Variants in ZNF454 observed in about 807,000 individuals in gnomAD.
The protein encoded by ZNF454 is zinc finger protein 454.
ZNF454 carries 30 observed loss-of-function variants against 48.2 expected under a neutral mutation model. The ratio of observed to expected loss-of-function variants is 0.62; its 90% CI spans 0.47 to 0.84. ZNF454 has a LOEUF of 0.84. Among genes scored for constraint, ZNF454 ranks in the 40% least tolerant of loss-of-function variants. The pLI is 0.00. For missense variants in ZNF454, 510 were observed against 623.1 expected, an observed-to-expected ratio of 0.82 and a Z score of 1.93; for synonymous variants, 204 against 211.4, an observed-to-expected ratio of 0.97 and a Z score of 0.30.
intron 4 of ZNF454, among the ~76,000 whole-genome samples, chr5:178,957,607 C>G (rs1759830328): frequency 6.6e-6 from 1 of 151,956 alleles, no homozygotes; most frequent in Admixed American, 6.6e-5. Flanking sequence ...GACGGGGTTT[C>G]ACCGTGTTAG....
the ZNF454 span, among the ~76,000 whole-genome samples, chr5:178,984,873 C>G: frequency 2.0e-5 from 3 of 152,170 alleles, no homozygotes; most frequent in Non-Finnish European, 4.4e-5. Context: ...CCACCCTCCA[C>G]CTGGCCCTGA....
At chr5:178,984,491 G>A in the ZNF454 span, among the ~76,000 whole-genome samples, 1,356 of 152,300 alleles carry the variant, frequency 8.9e-3, 19 homozygotes, top group African/African-American at 0.031. Context: ...TTGCAGGCTT[G>A]TGTGTTTTTA....
chr5:178,958,575 C>T (rs1177846153), intron 4 of ZNF454, among the ~76,000 whole-genome samples: 3 of 152,184 alleles, frequency 2.0e-5, no homozygotes, highest in Non-Finnish European at 4.4e-5. Context: ...TTTTAGAAAA[C>T]ATAGGTACAC....
At chr5:178,963,339 T>C (rs771027832) in intron 4 of ZNF454, among the ~76,000 whole-genome samples, 1 of 151,848 alleles carries the variant, frequency 6.6e-6, no homozygotes, top group African/African-American at 2.4e-5. Flanking sequence ...ATGTTTAACT[T>C]TGACCATTCT....
At chr5:178,964,626 CA>C in intron 4 of ZNF454, 28 bp from the exon 5 acceptor site, 6 of 1,558,796 alleles carry the variant, frequency 3.8e-6, no homozygotes, top group Non-Finnish European at 5.3e-6. Flanking sequence ...TAGGGTAAAA[CA>C]GACATTTTTA....
At chr5:178,955,553 T>C (rs1309188130) in intron 4 of ZNF454, among the ~76,000 whole-genome samples, 1 of 152,192 alleles carries the variant, frequency 6.6e-6, no homozygotes, top group African/African-American at 2.4e-5. Flanking sequence ...TTACTATCCT[T>C]TTTAAGTATT....
intron 4 of ZNF454, among the ~76,000 whole-genome samples, chr5:178,959,298 G>A (rs756331333): frequency 7.2e-5 from 11 of 152,076 alleles, no homozygotes; most frequent in South Asian, 4.2e-4. Flanking sequence ...GTCTCATTCC[G>A]GGTTCCATAA....
At chr5:178,956,409 G>A (rs973208952) in intron 4 of ZNF454, among the ~76,000 whole-genome samples, 1 of 150,014 alleles carries the variant, frequency 6.7e-6, no homozygotes, top group Non-Finnish European at 1.5e-5. Flanking sequence ...CTTTTTGGAC[G>A]TTCTGGGTAA....
downstream of ZNF454, among the ~76,000 whole-genome samples, chr5:178,967,056 C>G (rs1322217701): frequency 6.6e-6 from 1 of 152,160 alleles, no homozygotes; most frequent in Non-Finnish European, 1.5e-5. Context: ...CCAGAAGGCA[C>G]AACTTGATCA....
chr5:178,952,052 T>G (rs1416832685), intron 4 of ZNF454, among the ~76,000 whole-genome samples: 1 of 151,900 alleles, frequency 6.6e-6, no homozygotes. Flanking sequence ...TTTTTTTTTT[T>G]TTTGAGACGG....
chr5:178,944,821 A>T lies in ZNF454; in HGVS notation c.34-1538A>T, dbSNP rs993112359. Among the ~76,000 whole-genome samples, 1 of 152,206 alleles carries T rather than the reference A, an allele frequency of 6.6e-6. No individual in the cohort carries two copies. The highest frequency in any genetic ancestry group is 6.5e-5 in the Admixed American group (1 of 15,284). ...AACTTCTCAGCCAACTGGGAAGACA[A>T]GAGCTGTGATAGCTACTGGATTTTA... On this transcript the variant is annotated intron_variant, in intron 2 of 4. Coordinates refer to ENST00000519564, the MANE Select transcript of ZNF454 (RefSeq NM_001178089.3). The surrounding 1 kb of genome is among the most constrained non-coding windows in gnomAD (Gnocchi z 4.1).
the ZNF454 span, chr5:178,983,468 G>A: frequency 0.043 from 29,701 of 682,844 alleles, 998 homozygotes; most frequent in East Asian, 0.13. Flanking sequence ...GGGCTGTGCC[G>A]CCCGTATATG....
At chr5:178,987,006 T>C in the ZNF454 span, 3 of 1,610,046 alleles carry the variant, frequency 1.9e-6, no homozygotes, top group Non-Finnish European at 1.7e-6. Context: ...TCCGTCATCC[T>C]CGGTGGTCCT....
the ZNF454 span, chr5:178,975,666 C>T: frequency 1.5e-5 from 6 of 405,096 alleles, no homozygotes; most frequent in Admixed American, 2.6e-5. Context: ...CCTTGGCCTA[C>T]AGGGCCACAC....
the ZNF454 span, chr5:178,987,091 CT>C: frequency 2.6e-6 from 3 of 1,160,228 alleles, no homozygotes; most frequent in Non-Finnish European, 3.8e-6. Flanking sequence ...ACAAGCATCA[CT>C]GCTCATAAGG....
At chr5:178,972,007 C>T in the ZNF454 span, among the ~76,000 whole-genome samples, 1 of 152,158 alleles carries the variant, frequency 6.6e-6, no homozygotes, top group Non-Finnish European at 1.5e-5. Context: ...AATCTCGGCT[C>T]CCTGTAAACT....
At chr5:178,954,045 A>G (rs1384491602) in intron 4 of ZNF454, among the ~76,000 whole-genome samples, 3 of 152,086 alleles carry the variant, frequency 2.0e-5, no homozygotes, top group Non-Finnish European at 4.4e-5. Context: ...GATCACTTGA[A>G]GTCAGAAGTT....
the ZNF454 span, among the ~76,000 whole-genome samples, chr5:178,978,047 AC>A: frequency 1.3e-5 from 2 of 151,740 alleles, no homozygotes; most frequent in Admixed American, 1.3e-4. Context: ...CATTTTTGAA[AC>A]CCCCCAAGCT....
At chr5:178,958,724 TA>T (rs2113252867) in intron 4 of ZNF454, among the ~76,000 whole-genome samples, 1 of 152,358 alleles carries the variant, frequency 6.6e-6, no homozygotes, top group South Asian at 2.1e-4. Flanking sequence ...TATCAACTCT[TA>T]TACACGTAGT....
Sources: gnomAD v4.1 joint callset for allele counts (sites outside exome capture counted in the v4.1 genomes callset) on GRCh38, gnomAD v4.1.1 for gene constraint, Gnocchi (gnomAD v3.1) non-coding constraint, MANE v1.5 for transcripts, NCBI Gene and HGNC (gene_info 2026-07-23, HGNC 2026-07-21) for gene names.